The following KCNAB1 variants were observed in gnomAD, a reference collection of about 807,000 sequenced individuals.
The protein encoded by KCNAB1 is potassium voltage-gated channel subfamily A regulatory beta subunit 1, also known as voltage-gated potassium channel subunit beta-1.
KCNAB1 carries 35 observed loss-of-function variants against 64.6 expected under a neutral mutation model. The observed-to-expected ratio is 0.54, with a 90% CI of 0.41 to 0.72. The LOEUF is 0.72. Among genes scored for constraint, KCNAB1 ranks in the 30% least tolerant of loss-of-function variants. The probability of loss-of-function intolerance (pLI) is 0.00; values close to 1 mark genes in which losing one functional copy is unlikely to be tolerated. For missense variants in KCNAB1, 401 were observed against 512.9 expected (o/e 0.78, Z 2.11); for synonymous variants, 177 against 183.8 (o/e 0.96, Z 0.30).
chr3:156,131,339 A>G (rs1267943824), intron 1 of KCNAB1, among the ~76,000 whole-genome samples: 1 of 152,216 alleles, frequency 6.6e-6, no homozygotes. Flanking sequence ...TCTCCATTCC[A>G]TGGCAAAATA....
intron 4 of KCNAB1, among the ~76,000 whole-genome samples, 164 bp from the exon 5 acceptor site, chr3:156,459,663 C>A (rs1712742843): frequency 6.6e-6 from 1 of 151,930 alleles, no homozygotes; most frequent in Non-Finnish European, 1.5e-5. Flanking sequence ...ATTTTGCAGG[C>A]ACAAGCAGAA....
chr3:156,477,982 G>A (rs1386195089), intron 8 of KCNAB1, among the ~76,000 whole-genome samples: 1 of 152,122 alleles, frequency 6.6e-6, no homozygotes, highest in Non-Finnish European at 1.5e-5. Context: ...ACCTTAGGAA[G>A]ACTATCAGTG....
chr3:156,306,917 C>T (rs1331594121), intron 1 of KCNAB1, among the ~76,000 whole-genome samples: 5 of 152,194 alleles, frequency 3.3e-5, no homozygotes, highest in Admixed American at 1.3e-4. Flanking sequence ...AATTCCCTGA[C>T]GCTGAAGAGT....
chr3:156,530,517 G>T (rs1414183920), intron 12 of KCNAB1, among the ~76,000 whole-genome samples: 1 of 152,144 alleles, frequency 6.6e-6, no homozygotes, highest in African/African-American at 2.4e-5. Context: ...GGCTGGCCAG[G>T]CTGGCTAAAG....
chr3:156,359,308 C>T (rs1432353518), intron 1 of KCNAB1, among the ~76,000 whole-genome samples: 1 of 152,096 alleles, frequency 6.6e-6, no homozygotes, highest in Non-Finnish European at 1.5e-5. Flanking sequence ...CTCAGCTCAC[C>T]AGCACCTTAT....
At chr3:156,435,821 G>C (rs1413882641) in intron 2 of KCNAB1, among the ~76,000 whole-genome samples, 1 of 151,736 alleles carries the variant, frequency 6.6e-6, no homozygotes, top group Non-Finnish European at 1.5e-5. Context: ...TTGTGTGCAT[G>C]TTCAGTTCTA....
chr3:156,416,138 T>C (rs1204080359), intron 1 of KCNAB1, among the ~76,000 whole-genome samples: 2 of 152,182 alleles, frequency 1.3e-5, no homozygotes, highest in African/African-American at 4.8e-5. Flanking sequence ...TAAATCCGAT[T>C]TCAAGGTAGC....
chr3:156,526,305 C>G (rs1385682970), intron 12 of KCNAB1, among the ~76,000 whole-genome samples: 2 of 152,176 alleles, frequency 1.3e-5, no homozygotes, highest in African/African-American at 4.8e-5. Context: ...GAACGTGTCC[C>G]TGTCGCTATG....
At chr3:156,476,064 A>C (rs923507753) in intron 8 of KCNAB1, among the ~76,000 whole-genome samples, 1 of 152,332 alleles carries the variant, frequency 6.6e-6, no homozygotes, top group Middle Eastern at 3.4e-3. Context: ...TAGGTGTTTG[A>C]GAAAGCAAAT....
At chr3:156,360,647 C>T (rs747100387) in intron 1 of KCNAB1, among the ~76,000 whole-genome samples, 1 of 151,440 alleles carries the variant, frequency 6.6e-6, no homozygotes, top group African/African-American at 2.4e-5. Flanking sequence ...CCCAAGAGGT[C>T]AAGGCTGTAG....
chr3:156,120,914 T>G (rs376332854), intron 1 of KCNAB1, 28 bp downstream of exon 1: 49 of 1,607,518 alleles, frequency 3.0e-5, no homozygotes, highest in Non-Finnish European at 4.1e-5. Flanking sequence ...TGCGCGGGCT[T>G]TGGGAGACGC....
chr3:156,349,878 A>C (rs1402186213), intron 1 of KCNAB1, among the ~76,000 whole-genome samples: 1 of 152,028 alleles, frequency 6.6e-6, no homozygotes, highest in Non-Finnish European at 1.5e-5. Context: ...TTTCTTATTT[A>C]ATTTTCATTT....
chr3:156,411,243 G>T (rs1428608186), intron 1 of KCNAB1, among the ~76,000 whole-genome samples: 3 of 152,016 alleles, frequency 2.0e-5, no homozygotes, highest in African/African-American at 7.2e-5. Flanking sequence ...CTTCTTTGGT[G>T]AAGTATCTGT....
At chr3:156,522,280 G>A (rs1276923021) in intron 11 of KCNAB1, among the ~76,000 whole-genome samples, 1 of 151,976 alleles carries the variant, frequency 6.6e-6, no homozygotes, top group Non-Finnish European at 1.5e-5. Context: ...TCTGAAAGAT[G>A]TTATGAAACT....
chr3:156,480,803 T>C (rs570318885), intron 8 of KCNAB1, among the ~76,000 whole-genome samples: 65 of 152,250 alleles, frequency 4.3e-4, no homozygotes, highest in African/African-American at 1.5e-3. Flanking sequence ...ATGTGGCTAG[T>C]AGCTACTGTA....
At chr3:156,269,180 A>T (rs1477909031) in intron 1 of KCNAB1, among the ~76,000 whole-genome samples, 1 of 152,046 alleles carries the variant, frequency 6.6e-6, no homozygotes, top group Admixed American at 6.5e-5. Context: ...AGATGTATGG[A>T]TTTGTTTCTG....
intron 1 of KCNAB1, among the ~76,000 whole-genome samples, chr3:156,265,949 A>T (rs185900877): frequency 6.6e-6 from 1 of 152,158 alleles, no homozygotes; most frequent in Non-Finnish European, 1.5e-5. Flanking sequence ...TCGAGATTGC[A>T]CCACTGCACT....
chr3:156,484,148 C>T (rs1427176987), intron 8 of KCNAB1, among the ~76,000 whole-genome samples: 1 of 152,018 alleles, frequency 6.6e-6, no homozygotes, highest in Non-Finnish European at 1.5e-5. Context: ...CTCCTCCCTC[C>T]CCCACCTTTT....
chr3:156,238,421 CAAA>C (rs745633828), intron 1 of KCNAB1, among the ~76,000 whole-genome samples: 9 of 71,772 alleles, frequency 1.3e-4, no homozygotes, highest in Admixed American at 3.1e-4. Context: ...GACTTGGTCT[CAAA>C]AAAAAAAAAA....
Sources: gnomAD v4.1 joint callset for allele counts (sites outside exome capture counted in the v4.1 genomes callset) on GRCh38, gnomAD v4.1.1 for gene constraint, MANE v1.5 for transcripts, NCBI Gene and HGNC (gene_info 2026-07-23, HGNC 2026-07-21) for gene names.